EGFLAM: variants seen among roughly 807,000 people sequenced by gnomAD.
The protein encoded by EGFLAM is EGF like, fibronectin type III and laminin G domains.
In EGFLAM, 79 loss-of-function variants were observed where a neutral mutation model predicts 113.1. The observed-to-expected ratio is 0.70, with a 90% CI of 0.58 to 0.84. The LOEUF is 0.84. Ranked by LOEUF, EGFLAM falls within the 40% of genes least tolerant of loss-of-function variation. The pLI, the probability that EGFLAM is intolerant of heterozygous loss-of-function variation, is 0.00. For missense variants in EGFLAM, 1,265 were observed against 1,291.6 expected, an observed-to-expected ratio of 0.98 and a Z score of 0.32; for synonymous variants, 504 against 487.6, an observed-to-expected ratio of 1.03 and a Z score of -0.44.
chr5:38,350,673 C>A, intron 4 of EGFLAM, 55 bp downstream of exon 4: 1 of 1,508,402 alleles, frequency 6.6e-7, no homozygotes, highest in South Asian at 1.2e-5. Flanking sequence ...ATGCATCCTT[C>A]ATTCAGCAAA....
intron 1 of EGFLAM, among the ~76,000 whole-genome samples, chr5:38,313,060 C>G (rs1356977245): frequency 6.6e-6 from 1 of 151,980 alleles, no homozygotes; most frequent in East Asian, 1.9e-4. Flanking sequence ...TGTATGCCAG[C>G]CTGGGTGATG....
chr5:38,361,328 T>G lies in EGFLAM; in HGVS notation c.546-8968T>G, dbSNP rs151221702. 2.0e-5 allele frequency among the ~76,000 whole-genome samples: 3 copies of G among 152,288 alleles called. No homozygotes were observed. In the East Asian group the frequency reaches 5.8e-4, roughly 29 times the overall value. ...ACTCCCAGATTAGGTTAGCTATACCTCCAACATTTACTTGCAATACTCAGC... is the reference window on the plus strand; with the variant it reads ...ACTCCCAGATTAGGTTAGCTATACCGCCAACATTTACTTGCAATACTCAGC... On this transcript the variant is annotated intron_variant, in intron 5 of 21. Transcript: ENST00000322350.
chr5:38,327,965 T>A (rs914468523), intron 1 of EGFLAM, among the ~76,000 whole-genome samples: 6 of 152,250 alleles, frequency 3.9e-5, no homozygotes, highest in African/African-American at 1.4e-4. Flanking sequence ...TCTAAATATT[T>A]AGATTGCTTA....
intron 14 of EGFLAM, 189 bp downstream of exon 14, chr5:38,427,441 G>A (rs144789733): frequency 4.7e-6 from 4 of 847,632 alleles, no homozygotes; most frequent in Non-Finnish European, 6.9e-6. Context: ...GTGCTCTCCT[G>A]CCCACAAGGC....
chr5:38,284,479 A>G (rs1758103070), intron 1 of EGFLAM, among the ~76,000 whole-genome samples: 3 of 152,212 alleles, frequency 2.0e-5, no homozygotes, highest in Admixed American at 1.3e-4. Flanking sequence ...AACTTTATTT[A>G]TGGATACAAG....
intron 1 of EGFLAM, among the ~76,000 whole-genome samples, chr5:38,273,801 T>G (rs1757822005): frequency 6.6e-6 from 1 of 152,190 alleles, no homozygotes; most frequent in African/African-American, 2.4e-5. Context: ...CATTGACACA[T>G]GACCAAAATG....
chr5:38,391,467 G>A (rs1328283182), intron 6 of EGFLAM, among the ~76,000 whole-genome samples: 1 of 150,910 alleles, frequency 6.6e-6, no homozygotes, highest in East Asian at 2.0e-4. Flanking sequence ...GCCTGATCTC[G>A]GCTCATTGCA....
At chr5:38,443,518 G>C (rs1277953806) in intron 17 of EGFLAM, among the ~76,000 whole-genome samples, 1 of 152,102 alleles carries the variant, frequency 6.6e-6, no homozygotes, top group African/African-American at 2.4e-5. Flanking sequence ...TTTTTCCTTT[G>C]TGGCTACCGT....
At chr5:38,410,724 A>G (rs1479712053) in intron 10 of EGFLAM, among the ~76,000 whole-genome samples, 1 of 152,160 alleles carries the variant, frequency 6.6e-6, no homozygotes, top group Non-Finnish European at 1.5e-5. Context: ...CAGCCATCTG[A>G]GGACACCCCT....
chr5:38,418,278 G>C, intron 12 of EGFLAM, 23 bp downstream of exon 12: 3 of 1,612,524 alleles, frequency 1.9e-6, no homozygotes, highest in Non-Finnish European at 2.5e-6. Flanking sequence ...CTGGTGGGTT[G>C]GGGTACTCTT....
intron 14 of EGFLAM, among the ~76,000 whole-genome samples, chr5:38,427,816 T>G (rs983927393): frequency 3.9e-5 from 6 of 152,156 alleles, no homozygotes; most frequent in African/African-American, 1.4e-4. Context: ...GAAAGATGTG[T>G]GATGAGTGGT....
At chr5:38,394,412 A>AT (rs11438127) in intron 6 of EGFLAM, among the ~76,000 whole-genome samples, 5,410 of 140,330 alleles carry the variant, frequency 0.039, 260 homozygotes, top group African/African-American at 0.11. Flanking sequence ...TAGTAACCAC[A>AT]TTTTTTTTTT....
intron 5 of EGFLAM, among the ~76,000 whole-genome samples, chr5:38,360,492 G>A (rs1739890346): frequency 6.6e-6 from 1 of 152,166 alleles, no homozygotes; most frequent in Admixed American, 6.5e-5. Flanking sequence ...AAGACGTAGG[G>A]GAGGCAGTAT....
intron 1 of EGFLAM, among the ~76,000 whole-genome samples, chr5:38,329,970 T>A (rs1249808060): frequency 6.6e-6 from 1 of 151,874 alleles, no homozygotes; most frequent in Non-Finnish European, 1.5e-5. Context: ...AAAATAGGAG[T>A]CATACCTAAC....
At chr5:38,363,428 T>C (rs1262022707) in intron 5 of EGFLAM, among the ~76,000 whole-genome samples, 2 of 152,160 alleles carry the variant, frequency 1.3e-5, no homozygotes, top group South Asian at 2.1e-4. Flanking sequence ...GTTTTACCAA[T>C]GGAAATTTAG....
At chr5:38,381,427 A>G (rs193173738) in intron 6 of EGFLAM, among the ~76,000 whole-genome samples, 1 of 152,216 alleles carries the variant, frequency 6.6e-6, no homozygotes, top group Admixed American at 6.5e-5. Flanking sequence ...AATGCAACCG[A>G]ATACGAAACA....
chr5:38,276,543 C>T (rs1229926836), intron 1 of EGFLAM, among the ~76,000 whole-genome samples: 3 of 151,684 alleles, frequency 2.0e-5, no homozygotes, highest in Non-Finnish European at 2.9e-5. Context: ...ATAAACTAAA[C>T]TCAAAATTAG....
intron 12 of EGFLAM, among the ~76,000 whole-genome samples, chr5:38,424,076 C>A (rs1475686071): frequency 1.3e-5 from 2 of 152,164 alleles, no homozygotes; most frequent in South Asian, 4.1e-4. Context: ...ACCTCCACCC[C>A]CAGAAAAAGT....
At chr5:38,415,797 T>A (rs1374602911) in intron 11 of EGFLAM, among the ~76,000 whole-genome samples, 1 of 152,138 alleles carries the variant, frequency 6.6e-6, no homozygotes, top group Non-Finnish European at 1.5e-5. Context: ...TCAGGAAACT[T>A]ACAATCATGG....
Sources: gnomAD v4.1 joint callset for allele counts (sites outside exome capture counted in the v4.1 genomes callset) on GRCh38, gnomAD v4.1.1 for gene constraint, MANE v1.5 for transcripts, NCBI Gene and HGNC (gene_info 2026-07-23, HGNC 2026-07-21) for gene names.